Variants in DLGAP1 observed in about 807,000 individuals in gnomAD.
DLGAP1 encodes the protein disks large-associated protein 1.
In DLGAP1, 11 loss-of-function variants were observed where a neutral mutation model predicts 90.8. The observed-to-expected ratio is 0.12, with a 90% CI of 0.08 to 0.20. DLGAP1 has a LOEUF of 0.20. DLGAP1 is among the 10% of genes least tolerant of loss of function. The probability of loss-of-function intolerance (pLI) is 1.00; values close to 1 mark genes in which losing one functional copy is unlikely to be tolerated. For synonymous variants in DLGAP1, 558 were observed against 540.7 expected (o/e 1.03, Z -0.44); for missense variants, 1,050 against 1,333.8 (o/e 0.79, Z 3.31).
chr18:3,623,362 T>G (rs531264443), intron 7 of DLGAP1, among the ~76,000 whole-genome samples: 1 of 152,236 alleles, frequency 6.6e-6, no homozygotes, highest in South Asian at 2.1e-4. Context: ...TCACGAGCCC[T>G]GACATTATCT....
intron 1 of DLGAP1, among the ~76,000 whole-genome samples, chr18:4,419,954 C>G (rs2082991474): frequency 6.6e-6 from 1 of 152,078 alleles, no homozygotes; most frequent in Non-Finnish European, 1.5e-5. Context: ...TACATATGTA[C>G]AGACAGGTCA....
chr18:3,607,237 T>TA (rs1345217358), intron 7 of DLGAP1: 2 of 151,974 alleles, frequency 1.3e-5, no homozygotes, highest in Admixed American at 6.6e-5. Flanking sequence ...CTTGTTCTGT[T>TA]ACCCAGGCTC....
At chr18:3,878,735 C>T (rs1356890185) in intron 4 of DLGAP1, among the ~76,000 whole-genome samples, 1 of 152,178 alleles carries the variant, frequency 6.6e-6, no homozygotes, top group African/African-American at 2.4e-5. Context: ...AAAATTCAAA[C>T]GATCGTCACG....
At chr18:4,341,306 C>T (rs1264326114) in intron 1 of DLGAP1, among the ~76,000 whole-genome samples, 1 of 152,046 alleles carries the variant, frequency 6.6e-6, no homozygotes, top group African/African-American at 2.4e-5. Context: ...CTTTAGAAAA[C>T]AAAAATCGCT....
At chr18:3,596,051 G>A (rs532067847) in intron 7 of DLGAP1, among the ~76,000 whole-genome samples, 30 of 152,318 alleles carry the variant, frequency 2.0e-4, no homozygotes, top group Non-Finnish European at 4.0e-4. Context: ...TCCTGTTTGG[G>A]CAGCTGGTCT....
At chr18:4,368,606 A>G (rs185266431) in intron 1 of DLGAP1, among the ~76,000 whole-genome samples, 2 of 147,852 alleles carry the variant, frequency 1.4e-5, no homozygotes, top group Admixed American at 6.9e-5. Flanking sequence ...ATATGAACCA[A>G]TTCTTTAAAA....
chr18:4,423,851 T>TAA (rs36053501), intron 1 of DLGAP1, among the ~76,000 whole-genome samples: 95,561 of 120,554 alleles, frequency 0.79, 41,281 homozygotes, highest in East Asian at 0.96. Context: ...CCCAGGAATT[T>TAA]AAAAAAAAAA....
At chr18:4,241,544 G>A (rs1005642101) in intron 1 of DLGAP1, among the ~76,000 whole-genome samples, 8 of 152,060 alleles carry the variant, frequency 5.3e-5, no homozygotes, top group South Asian at 2.1e-4. Flanking sequence ...GCAAACATAC[G>A]ATAGAAATTA....
At chr18:3,937,863 TATG>T (rs2072677618) in intron 3 of DLGAP1, among the ~76,000 whole-genome samples, 1 of 152,330 alleles carries the variant, frequency 6.6e-6, no homozygotes, top group Non-Finnish European at 1.5e-5. Context: ...CCAATCTGGC[TATG>T]ATGTTTGCAA....
intron 1 of DLGAP1, among the ~76,000 whole-genome samples, chr18:4,314,829 G>A (rs952953468): frequency 6.6e-6 from 1 of 152,184 alleles, no homozygotes; most frequent in African/African-American, 2.4e-5. Context: ...TTGGTAGACA[G>A]GCAGGTGACA....
intron 2 of DLGAP1, among the ~76,000 whole-genome samples, chr18:4,006,063 T>C (rs2149084895): frequency 6.6e-6 from 1 of 152,348 alleles, no homozygotes; most frequent in South Asian, 2.1e-4. Flanking sequence ...CACTAGACCA[T>C]GACAACACTG....
chr18:4,067,814 A>G (rs540563590), intron 2 of DLGAP1, among the ~76,000 whole-genome samples: 153 of 152,134 alleles, frequency 1.0e-3, no homozygotes, highest in Non-Finnish European at 1.7e-3. Context: ...CTTCACTTCT[A>G]GTTGTCCCCC....
intron 1 of DLGAP1, among the ~76,000 whole-genome samples, chr18:4,370,764 T>C (rs1017928100): frequency 2.5e-5 from 1 of 40,320 alleles, no homozygotes. Flanking sequence ...TGCATATGTG[T>C]GGGTTTTTTT....
chr18:3,899,520 C>T (rs74925231), intron 3 of DLGAP1, among the ~76,000 whole-genome samples: 3 of 152,168 alleles, frequency 2.0e-5, no homozygotes, highest in Admixed American at 6.5e-5. Flanking sequence ...TTTGAGGAAA[C>T]CTTTTGGATG....
At chr18:4,435,224 T>C (rs1389871580) in intron 1 of DLGAP1, among the ~76,000 whole-genome samples, 4 of 152,004 alleles carry the variant, frequency 2.6e-5, no homozygotes, top group African/African-American at 9.7e-5. Context: ...GAATCCCGAG[T>C]TGTGGACAGG....
At chr18:4,291,122 G>T (rs928313805) in intron 1 of DLGAP1, among the ~76,000 whole-genome samples, 2 of 152,156 alleles carry the variant, frequency 1.3e-5, no homozygotes, top group African/African-American at 4.8e-5. Context: ...AATCTAATTG[G>T]AATATTTATA....
chr18:4,301,004 A>G (rs145616523), intron 1 of DLGAP1, among the ~76,000 whole-genome samples: 40 of 152,278 alleles, frequency 2.6e-4, no homozygotes, highest in African/African-American at 8.4e-4. Flanking sequence ...TTATAAATTG[A>G]CAAATTATAG....
At chr18:4,222,453 A>T (rs2078096120) in intron 1 of DLGAP1, among the ~76,000 whole-genome samples, 1 of 152,162 alleles carries the variant, frequency 6.6e-6, no homozygotes, top group Non-Finnish European at 1.5e-5. Flanking sequence ...TCTGTACATC[A>T]GGGTAAAACT....
chr18:3,814,022 C>T (rs1038987270), intron 5 of DLGAP1, 37 bp downstream of exon 5: 6 of 1,603,732 alleles, frequency 3.7e-6, no homozygotes, highest in Admixed American at 1.7e-5. Flanking sequence ...AATACAAGCA[C>T]CTGGACTATC....
Sources: allele counts gnomAD v4.1 joint callset (sites outside exome capture counted in the v4.1 genomes callset), GRCh38; gene constraint gnomAD v4.1.1; transcripts MANE v1.5; gene names NCBI Gene and HGNC (gene_info 2026-07-23, HGNC 2026-07-21).